Variants in SPTAN1 observed in about 807,000 individuals in gnomAD.
The protein encoded by SPTAN1 is spectrin alpha chain, non-erythrocytic 1.
A neutral mutation model predicts 331.3 loss-of-function variants in SPTAN1; 61 were observed. The ratio of observed to expected loss-of-function variants is 0.18; its 90% CI spans 0.15 to 0.23. The LOEUF (loss-of-function observed/expected upper bound fraction) is 0.23. Among genes scored for constraint, SPTAN1 ranks in the 10% least tolerant of loss-of-function variants. SPTAN1 has a pLI of 1.00. For missense variants in SPTAN1, 2,043 were observed against 3,147.9 expected, an observed-to-expected ratio of 0.65 and a Z score of 8.40; for synonymous variants, 1,153 against 1,173.9, an observed-to-expected ratio of 0.98 and a Z score of 0.36.
At chr9:128,622,203 CT>C (rs1164385797) in intron 45 of SPTAN1, 9 of 152,266 alleles carry the variant, frequency 5.9e-5, no homozygotes, top group African/African-American at 1.4e-4. Flanking sequence ...ACTTAACCCC[CT>C]GACACACACC....
intron 31 of SPTAN1, among the ~76,000 whole-genome samples, chr9:128,606,705 C>G (rs932428079): frequency 2.6e-5 from 4 of 151,840 alleles, no homozygotes; most frequent in African/African-American, 9.7e-5. Flanking sequence ...AGGCTGGTCT[C>G]GAACTCCTGA....
At position 128,583,980 on chromosome 9, in the gene SPTAN1, C is replaced by T; in HGVS notation, c.2193+11C>T. 6.2e-7 allele frequency: 1 copy of T among 1,614,102 alleles called. No individual in the cohort carries two copies. The highest frequency in any genetic ancestry group is 8.5e-7 in the Non-Finnish European group (1 of 1,180,016). On this transcript the variant is annotated intron_variant, in intron 16 of 56. Coordinates refer to ENST00000372739, the MANE Select transcript of SPTAN1 (RefSeq NM_001130438.3). ...GTGGCTGCTCACCAGGTAGTGTGAA[C>T]TGGGGGCTGTGGTTGGGCAAGTGAA...
At chr9:128,613,335 G>A (rs372776563) in intron 39 of SPTAN1, 46 bp from the exon 40 acceptor site, 9 of 1,542,362 alleles carry the variant, frequency 5.8e-6, no homozygotes, top group African/African-American at 2.7e-5. Context: ...AGAATGCTGA[G>A]TATACACCAC....
Position 128,625,787 on chromosome 9 carries a change from C to G in SPTAN1, c.6088C>G (p.Leu2030Val). Residue 2030 changes from leucine (L) to valine (V), a missense_variant, in exon 48 of 57, where the codon CTG becomes GTG. Around this residue, in one of 12 missense-constraint regions of SPTAN1, gnomAD observed 256 missense variants for 376.4 expected, o/e 0.68. Transcript: ENST00000372739. This position sits in a 1 kb window ranked among gnomAD's most constrained non-coding sequence, Gnocchi z 4.1. ...TGTTCAGGAAACTTTTGACGCTGGG[C>G]TGCAGGCCTTCCAGCAGGAAGGCAT... ...LTKQETFDAG[L>V]QAFQQEGIAN... 6.2e-7 allele frequency: 1 copy of G among 1,614,154 alleles called. No homozygotes were observed. Among genetic ancestry groups the G allele is most frequent in the Non-Finnish European group, 8.5e-7 (1 of 1,180,050 alleles).
intron 49 of SPTAN1, 183 bp downstream of exon 49, chr9:128,626,870 A>T (rs957796217): frequency 5.5e-5 from 40 of 721,152 alleles, no homozygotes; most frequent in Non-Finnish European, 8.2e-5. Flanking sequence ...GCTTCAGTGC[A>T]GTGGTGCTAC....
At chr9:128,568,260 C>T (rs1262258808) in intron 2 of SPTAN1, among the ~76,000 whole-genome samples, 1 of 152,140 alleles carries the variant, frequency 6.6e-6, no homozygotes, top group African/African-American at 2.4e-5. Context: ...AGGCCCCTTC[C>T]CATCTTAGTA....
intron 26 of SPTAN1, 97 bp from the exon 27 acceptor site, chr9:128,599,983 C>A: frequency 7.8e-7 from 1 of 1,275,328 alleles, no homozygotes. Context: ...TATCTGGGAT[C>A]TCCCCTGGGG....
chr9:128,621,292 A>G (rs1857818854), intron 45 of SPTAN1, 36 bp downstream of exon 45: 1 of 1,577,152 alleles, frequency 6.3e-7, no homozygotes, highest in Non-Finnish European at 8.7e-7. Context: ...TCCATCGCCC[A>G]CTGGGACACC....
intron 28 of SPTAN1, 126 bp downstream of exon 28, chr9:128,603,716 C>T: frequency 8.5e-7 from 1 of 1,170,892 alleles, no homozygotes; most frequent in Non-Finnish European, 1.3e-6. Context: ...TCTATTGGGT[C>T]CAAGCATGTC....
chr9:128,631,226 G>A (rs574181722), intron 52 of SPTAN1, among the ~76,000 whole-genome samples: 163 of 150,166 alleles, frequency 1.1e-3, no homozygotes, highest in Non-Finnish European at 1.9e-3. Flanking sequence ...GGGAAGCCGA[G>A]GCGGGTGGAT....
intron 15 of SPTAN1, 38 bp from the exon 16 acceptor site, chr9:128,583,750 G>T: frequency 6.2e-7 from 1 of 1,611,592 alleles, no homozygotes. Context: ...GAAGGGTAAT[G>T]CTAAGCAGTA....
At chr9:128,581,474 CAA>C (rs11429372) in intron 11 of SPTAN1, among the ~76,000 whole-genome samples, 30 of 133,586 alleles carry the variant, frequency 2.2e-4, no homozygotes, top group African/African-American at 8.5e-4. Flanking sequence ...TCCTGTCTCA[CAA>C]AAAAAAAAAA....
intron 1 of SPTAN1, among the ~76,000 whole-genome samples, chr9:128,557,294 A>G (rs937787616): frequency 1.3e-5 from 2 of 152,190 alleles, no homozygotes; most frequent in African/African-American, 4.8e-5. Context: ...AAGAATGGCA[A>G]TCCCAATGCT....
intron 51 of SPTAN1, chr9:128,628,392 G>A (rs540858728): frequency 5.6e-6 from 2 of 358,158 alleles, no homozygotes; most frequent in Admixed American, 3.8e-5. Context: ...CCACAGCTGA[G>A]AAGGGCTGGG....
chr9:128,575,870 A>C (rs981105444), intron 5 of SPTAN1, among the ~76,000 whole-genome samples: 1 of 152,202 alleles, frequency 6.6e-6, no homozygotes, highest in Admixed American at 6.5e-5. Context: ...AGCTGCTTCC[A>C]CTACGAGTCC....
intron 11 of SPTAN1, among the ~76,000 whole-genome samples, chr9:128,581,485 A>AAAAT (rs1338383650): frequency 6.6e-6 from 1 of 151,362 alleles, no homozygotes; most frequent in Non-Finnish European, 1.5e-5. Flanking sequence ...AAAAAAAAAA[A>AAAAT]AAACAAACAA....
At chr9:128,630,027 TG>T (rs1859439287) in intron 51 of SPTAN1, 2 of 528,972 alleles carry the variant, frequency 3.8e-6, no homozygotes, top group South Asian at 3.3e-5. Flanking sequence ...CCTGCACCCA[TG>T]GGGGAATTTA....
intron 5 of SPTAN1, among the ~76,000 whole-genome samples, chr9:128,576,389 T>A (rs897910119): frequency 1.3e-5 from 2 of 152,090 alleles, no homozygotes; most frequent in African/African-American, 4.8e-5. Context: ...AAAAGAAATG[T>A]CGTCAGTCTA....
rs575068892 is a variant in SPTAN1, at chr9:128,572,710, T to A, written c.364-1965T>A. Among the ~76,000 whole-genome samples, 3 of 152,350 alleles carry A rather than the reference T, an allele frequency of 2.0e-5. No homozygotes were observed. In the East Asian group the frequency reaches 5.8e-4, roughly 29 times the overall value. ...GTAGCAGAGGAAGGTGGGTGGCATG[T>A]GAGGGCATGTCTGTGTCCTGGATAA... is the stretch of plus-strand genomic sequence containing the variant. On this transcript the variant is annotated intron_variant, in intron 3 of 56. Coordinates refer to ENST00000372739, the MANE Select transcript of SPTAN1 (RefSeq NM_001130438.3).
Sources: allele counts gnomAD v4.1 joint callset (sites outside exome capture counted in the v4.1 genomes callset), GRCh38; gene constraint gnomAD v4.1.1; regional missense constraint gnomAD v4.1.1; non-coding constraint Gnocchi (gnomAD v3.1); transcripts MANE v1.5; gene names NCBI Gene and HGNC (gene_info 2026-07-23, HGNC 2026-07-21).